Variants in GCFC2 observed in about 807,000 individuals in gnomAD.
GCFC2 encodes the protein GC-rich sequence DNA-binding factor 2.
Under a neutral mutation model 99.4 loss-of-function variants are expected in GCFC2, and 102 were observed. The observed-to-expected ratio is 1.03, with a 90% CI of 0.87 to 1.21. The LOEUF (loss-of-function observed/expected upper bound fraction) is 1.21, where lower values mean the gene tolerates loss of function less well. Ranked by LOEUF, GCFC2 falls within the 50% of genes most tolerant of loss-of-function variation. The probability of loss-of-function intolerance (pLI) is 0.00; values close to 1 mark genes in which losing one functional copy is unlikely to be tolerated. For synonymous variants in GCFC2, 338 were observed against 316.8 expected (o/e 1.07, Z -0.71); for missense variants, 973 against 920.9 (o/e 1.06, Z -0.73).
chr2:75,692,907 T>C (rs1680150571), intron 6 of GCFC2, among the ~76,000 whole-genome samples: 1 of 152,072 alleles, frequency 6.6e-6, no homozygotes, highest in Non-Finnish European at 1.5e-5. Context: ...AAATTGAAAC[T>C]CTCATATTTT....
intron 12 of GCFC2, 84 bp downstream of exon 12, chr2:75,680,109 G>C (rs1374546270): frequency 2.2e-6 from 2 of 905,318 alleles, no homozygotes; most frequent in South Asian, 1.8e-5. Flanking sequence ...AATCACTTCT[G>C]CATCTTTTAT....
rs1021435774 is a variant in GCFC2 at position 75,690,678 on chromosome 2, C to T, written c.1186G>A (p.Glu396Lys). Reference sequence around the variant, plus strand: ...TCTTCTAAAATCCACTGAGTTTTTTCATCTACTGAGAAGTTTCCACTTGTG... The same window carrying T: ...TCTTCTAAAATCCACTGAGTTTTTTTATCTACTGAGAAGTTTCCACTTGTG... ...TSTSGNFSVD[E>K]KTQWILEEIE... is the part of the protein sequence containing the mutation. Residue 396 changes from glutamate (E) to lysine (K), a missense_variant, in exon 8 of 17, where the codon GAA becomes AAA. Physicochemically the swap from Glu to Lys is moderately conservative, Grantham distance 56. Coordinates refer to ENST00000321027, the MANE Select transcript of GCFC2 (RefSeq NM_003203.5). 4.7e-5 allele frequency: 73 copies of T among 1,568,496 alleles called. No individual in the cohort carries two copies. Among genetic ancestry groups the T allele is most frequent in the Non-Finnish European group, 6.2e-5 (71 of 1,142,624 alleles).
At chr2:75,686,822 C>T (rs749843312) in intron 11 of GCFC2, among the ~76,000 whole-genome samples, 14 of 152,130 alleles carry the variant, frequency 9.2e-5, no homozygotes, top group African/African-American at 2.7e-4. Context: ...CATAGTGAAA[C>T]GGATCCTTAT....
chr2:75,685,255 T>C (rs1679761253), intron 11 of GCFC2, among the ~76,000 whole-genome samples: 1 of 152,200 alleles, frequency 6.6e-6, no homozygotes, highest in Non-Finnish European at 1.5e-5. Context: ...TCCTCTAGTA[T>C]TGTTCCATTT....
intron 14 of GCFC2, chr2:75,670,858 T>G (rs1185770734): frequency 1.3e-5 from 2 of 152,418 alleles, no homozygotes; most frequent in Non-Finnish European, 2.9e-5. Context: ...CAGTACTATA[T>G]TCATTACTCT....
At chr2:75,710,305 T>TA in intron 1 of GCFC2, 1 of 455,274 alleles carries the variant, frequency 2.2e-6, no homozygotes, top group South Asian at 6.2e-5. Flanking sequence ...ATAACTGTGT[T>TA]AGTTATAACT....
chr2:75,667,613 AC>A (rs968672135), intron 15 of GCFC2, among the ~76,000 whole-genome samples: 3 of 152,152 alleles, frequency 2.0e-5, no homozygotes, highest in African/African-American at 7.2e-5. Context: ...TTTTAAAACC[AC>A]CCTTTACTAT....
rs543609559 is a variant in GCFC2 at position 75,693,217 on chromosome 2, T to C, written c.1020+1024A>G. On this transcript the variant is annotated intron_variant, in intron 6 of 16. Transcript: ENST00000321027. ...ACTTTGGGAGGCTGAGACAGGTGGATTGCCTGAGCTCGGGAGTTCCAGACC... is the reference window on the plus strand; with the variant it reads ...ACTTTGGGAGGCTGAGACAGGTGGACTGCCTGAGCTCGGGAGTTCCAGACC... Among the ~76,000 whole-genome samples the C allele has an allele frequency of 7.9e-4, 121 of 152,238 alleles. 1 individual carries two copies. Among genetic ancestry groups the C allele is most frequent in the Middle Eastern group, 3.4e-3 (1 of 294 alleles).
chr2:75,674,577 T>C (rs572548543), intron 12 of GCFC2, among the ~76,000 whole-genome samples: 1 of 152,186 alleles, frequency 6.6e-6, no homozygotes, highest in East Asian at 1.9e-4. Context: ...TGAGTGTTTA[T>C]TTTTTTCATA....
At chr2:75,670,927 T>C (rs151169869) in intron 14 of GCFC2, 1 of 152,326 alleles carries the variant, frequency 6.6e-6, no homozygotes, top group East Asian at 1.9e-4. Context: ...TTTTATCTCA[T>C]TGTTGATGTT....
chr2:75,687,780 A>G (rs1558740978), intron 11 of GCFC2, 47 bp downstream of exon 11: 1 of 1,436,814 alleles, frequency 7.0e-7, no homozygotes. Flanking sequence ...AACCTTATAT[A>G]CTCTGTCAGA....
rs190293789 is a variant in GCFC2, at chr2:75,692,228, A to G, written c.1021-128T>C. 6.2e-3 allele frequency: 1,708 copies of G among 273,888 alleles called. 8 individuals carry two copies. The highest frequency in any genetic ancestry group is 8.5e-3 in the Non-Finnish European group (1,275 of 150,700). 17.0% of individuals were successfully genotyped at this position (273,888 alleles called of 1,614,324 possible). A position where few individuals can be genotyped will look rare whatever the true frequency, so the allele number is the denominator to read the frequency against. On this transcript the variant is annotated intron_variant, in intron 6 of 16. Coordinates refer to ENST00000321027, the MANE Select transcript of GCFC2 (RefSeq NM_003203.5). ...TTATATGCTTAATTCTCAAAGAAAC[A>G]TTCCCAATACTATCACATCTGAAGT...
intron 4 of GCFC2, 147 bp downstream of exon 4, chr2:75,701,043 A>C (rs1573087890): frequency 2.3e-5 from 14 of 595,790 alleles, no homozygotes; most frequent in Non-Finnish European, 4.1e-5. Flanking sequence ...CCTTTGGAAG[A>C]AGCAAGGTGC....
At chr2:75,704,543 A>C (rs1311999194) in intron 2 of GCFC2, among the ~76,000 whole-genome samples, 2 of 152,264 alleles carry the variant, frequency 1.3e-5, no homozygotes, top group Non-Finnish European at 2.9e-5. Context: ...CCTCTAGGGC[A>C]CTATGTGCCA....
At chr2:75,679,948 C>G (rs1679495683) in intron 12 of GCFC2, 1 of 450,676 alleles carries the variant, frequency 2.2e-6, no homozygotes, top group Admixed American at 3.9e-5. Context: ...TGAGAAGTAT[C>G]AAGGTATATT....
intron 4 of GCFC2, 62 bp from the exon 5 acceptor site, chr2:75,696,377 T>C (rs1680327079): frequency 3.9e-6 from 3 of 771,592 alleles, no homozygotes; most frequent in Non-Finnish European, 6.9e-6. Flanking sequence ...GAAACATTAA[T>C]AGCATGTAAA....
At chr2:75,677,388 G>A (rs540035256) in intron 12 of GCFC2, among the ~76,000 whole-genome samples, 155 of 152,266 alleles carry the variant, frequency 1.0e-3, no homozygotes, top group African/African-American at 3.4e-3. Context: ...TAGCAACATG[G>A]GGCATTATAT....
intron 4 of GCFC2, among the ~76,000 whole-genome samples, chr2:75,698,930 T>C (rs1430676969): frequency 6.6e-6 from 1 of 151,462 alleles, no homozygotes; most frequent in Non-Finnish European, 1.5e-5. Context: ...GAGAATTGCT[T>C]GAACCTGGGA....
chr2:75,673,187 G>C (rs1679195080), intron 13 of GCFC2, among the ~76,000 whole-genome samples: 1 of 152,154 alleles, frequency 6.6e-6, no homozygotes, highest in African/African-American at 2.4e-5. Context: ...GCGGGCGCCT[G>C]TAGTCCCAGC....
Sources: gnomAD v4.1 joint callset for allele counts (sites outside exome capture counted in the v4.1 genomes callset) on GRCh38, gnomAD v4.1.1 for gene constraint, MANE v1.5 for transcripts, NCBI Gene and HGNC (gene_info 2026-07-23, HGNC 2026-07-21) for gene names.